Variants in OXTR observed in about 807,000 individuals in gnomAD.
The protein encoded by OXTR is oxytocin receptor.
A neutral mutation model predicts 23.9 loss-of-function variants in OXTR; 19 were observed. The ratio of observed to expected loss-of-function variants is 0.80; its 90% confidence interval spans 0.56 to 1.17. The LOEUF is 1.17. Ranked by LOEUF, OXTR falls within the 50% of genes most tolerant of loss-of-function variation. The pLI, the probability that OXTR is intolerant of heterozygous loss-of-function variation, is 0.00. For missense variants in OXTR, 500 were observed against 550.7 expected (o/e 0.91, Z 0.92); for synonymous variants, 278 against 250.5 (o/e 1.11, Z -1.04).
intron 3 of OXTR, among the ~76,000 whole-genome samples, chr3:8,754,533 C>T (rs748994392): frequency 2.0e-4 from 31 of 152,148 alleles, no homozygotes; most frequent in Non-Finnish European, 3.5e-4. Flanking sequence ...GAGCTAAATC[C>T]AGGGAAGGAC....
chr3:8,754,507 A>G (rs576665656), intron 3 of OXTR, among the ~76,000 whole-genome samples: 301 of 152,324 alleles, frequency 2.0e-3, no homozygotes, highest in African/African-American at 6.7e-3. Context: ...TTTTTGACAA[A>G]TAACTCTAGA....
chr3:8,763,031 A>G (rs901511975), intron 3 of OXTR, among the ~76,000 whole-genome samples: 2 of 152,196 alleles, frequency 1.3e-5, no homozygotes, highest in South Asian at 4.1e-4. Flanking sequence ...GGTAAAAGGC[A>G]TCCCCTGGAG....
At chr3:8,746,212 C>T (rs556362366), downstream of OXTR, 2 of 220,846 alleles carry the variant, frequency 9.1e-6, no homozygotes, top group South Asian at 2.1e-4. Context: ...TCCACGCGCA[C>T]TCAGGAAAGT....
Position 8,751,713 on chromosome 3 carries a change from T to C in OXTR, c.*1264A>G, listed in dbSNP as rs1708262979. The C allele has an allele frequency of 6.6e-6, 1 of 152,252 alleles. No individual in the cohort carries two copies. The highest frequency in any genetic ancestry group is 1.5e-5 in the Non-Finnish European group (1 of 68,042). The allele number at this position is 152,252 out of a possible 1,614,324, so 9.4% of individuals were successfully genotyped here. A position where few individuals can be genotyped will look rare whatever the true frequency, so the allele number is the denominator to read the frequency against. On this transcript the variant is annotated 3_prime_UTR_variant, in exon 4 of 4. Transcript: ENST00000316793. ...TAAGTATAAGTGTTCATATCTGTAC[T>C]CTTTATTCTGCTCCGTATGTCTATC...
In OXTR at chr3:8,767,606, G is replaced by A. The variant is rs1383487856; in HGVS notation, c.582C>T (p.Pro194=). 6.2e-7 allele frequency: 1 copy of A among 1,613,428 alleles called. No individual in the cohort carries two copies. Among genetic ancestry groups the A allele is most frequent in the African/African-American group, 1.3e-5 (1 of 75,034 alleles). ...ATGTGATGTAGGCCTTGGGTCCCCA[G>A]GGCTGGATGAAGACGGCCCAGCAGT... The part of the protein sequence containing the change: ...VFDCWAVFIQ[P]WGPKAYITWI... Residue 194 remains proline, a synonymous_variant, in exon 3 of 4, where the codon CCC becomes CCT. Coordinates refer to ENST00000316793, the MANE Select transcript of OXTR (RefSeq NM_000916.4).
chr3:8,767,860 G>C lies in OXTR; in HGVS notation c.328C>G (p.Leu110Val), dbSNP rs753682593. ...DITFRFYGPD[L>V]LCRLVKYLQV... ...AAGTACTTGACCAGGCGGCACAGCA[G>C]GTCGGGCCCGTAGAAGCGGAAGGTG... is the stretch of plus-strand genomic sequence containing the variant. The change falls in exon 3 of 4, where the codon CTG becomes GTG. Residue 110 changes from leucine (L) to valine (V), a missense_variant. By Grantham distance (32) the Leu-to-Val change is conservative. Transcript: ENST00000316793. The C allele has an allele frequency of 6.2e-7, 1 of 1,613,444 alleles. No individual in the cohort carries two copies. Among genetic ancestry groups the C allele is most frequent in the South Asian group, 1.1e-5 (1 of 90,978 alleles).
downstream of OXTR, chr3:8,745,735 G>A (rs778311858): frequency 1.2e-6 from 2 of 1,614,002 alleles, no homozygotes; most frequent in Admixed American, 1.7e-5. This position sits in a 1 kb window ranked among gnomAD's most constrained non-coding sequence, Gnocchi z 4.8. Flanking sequence ...CATGCATTAA[G>A]AGCTACCTGA....
At chr3:8,741,312 T>A in the OXTR span, among the ~76,000 whole-genome samples, 2 of 152,016 alleles carry the variant, frequency 1.3e-5, no homozygotes, top group Admixed American at 6.5e-5. Context: ...TCAATAAACA[T>A]AAAATTACTG....
At chr3:8,746,637 T>G (rs1348276727), downstream of OXTR, 1 of 152,108 alleles carries the variant, frequency 6.6e-6, no homozygotes, top group Non-Finnish European at 1.5e-5. Context: ...ACCGAGCCCC[T>G]GAAATGCCCA....
intron 3 of OXTR, among the ~76,000 whole-genome samples, chr3:8,764,823 C>T (rs960794191): frequency 1.3e-5 from 2 of 152,220 alleles, no homozygotes; most frequent in Non-Finnish European, 2.9e-5. Flanking sequence ...GCTGCAGCAG[C>T]ATCATGAATC....
the OXTR span, among the ~76,000 whole-genome samples, chr3:8,742,035 C>T: frequency 1.3e-5 from 2 of 152,184 alleles, no homozygotes; most frequent in Non-Finnish European, 2.9e-5. Flanking sequence ...CAGCCCACCA[C>T]CCTCCAAGAA....
intron 3 of OXTR, among the ~76,000 whole-genome samples, chr3:8,760,990 C>G (rs1708472575): frequency 6.6e-6 from 1 of 152,212 alleles, no homozygotes. Flanking sequence ...TGTCTGGAGA[C>G]AGTTTTGGTG....
At chr3:8,754,060 A>T (rs1708325038) in intron 3 of OXTR, among the ~76,000 whole-genome samples, 1 of 152,226 alleles carries the variant, frequency 6.6e-6, no homozygotes, top group African/African-American at 2.4e-5. Flanking sequence ...AACTGAAAGC[A>T]TCTCCATGAA....
In OXTR at chr3:8,768,654, A is replaced by C; in HGVS notation, c.-238-63T>G. On this transcript the variant is annotated intron_variant, in intron 1 of 3. Coordinates refer to ENST00000316793, the MANE Select transcript of OXTR (RefSeq NM_000916.4). This position sits in a 1 kb window ranked among gnomAD's most constrained non-coding sequence, Gnocchi z 5.4. Reference sequence around the variant, plus strand: ...TCCGGGAGTGGGAATCTAAAACCAAATCACCTCCCCGAGGGAATCTCCAAA... The same window carrying C: ...TCCGGGAGTGGGAATCTAAAACCAACTCACCTCCCCGAGGGAATCTCCAAA... 4 of 154,030 alleles carry C rather than the reference A, an allele frequency of 2.6e-5. No homozygotes were observed. Among genetic ancestry groups the C allele is most frequent in the Non-Finnish European group, 4.3e-5 (3 of 69,408 alleles). 9.5% of individuals were successfully genotyped at this position (154,030 alleles called of 1,614,324 possible). A position where few individuals can be genotyped will look rare whatever the true frequency, so the allele number is the denominator to read the frequency against.
chr3:8,755,177 GT>G (rs1165229011), intron 3 of OXTR, among the ~76,000 whole-genome samples: 1 of 151,714 alleles, frequency 6.6e-6, no homozygotes, highest in Non-Finnish European at 1.5e-5. Context: ...AAAAATCAAC[GT>G]GCAAAAGTCA....
chr3:8,765,363 G>A (rs144864435), intron 3 of OXTR, among the ~76,000 whole-genome samples: 1 of 152,332 alleles, frequency 6.6e-6, no homozygotes, highest in African/African-American at 2.4e-5. Context: ...CTCAAGACAT[G>A]AATGGGAGAG....
chr3:8,756,249 G>A (rs547533759), intron 3 of OXTR, among the ~76,000 whole-genome samples: 3 of 152,210 alleles, frequency 2.0e-5, no homozygotes. Context: ...TTCCATGTGA[G>A]GATGTGACAA....
At chr3:8,769,046 G>C (rs565622151) in intron 1 of OXTR, among the ~76,000 whole-genome samples, 185 bp downstream of exon 1, 1 of 152,280 alleles carries the variant, frequency 6.6e-6, no homozygotes, top group Non-Finnish European at 1.5e-5. Context: ...CCCCTGACTT[G>C]CGCTTTGGAC....
intron 3 of OXTR, among the ~76,000 whole-genome samples, chr3:8,761,589 G>C (rs142029881): frequency 2.8e-4 from 42 of 152,286 alleles, no homozygotes; most frequent in Admixed American, 1.4e-3. Context: ...TTACTCAGCA[G>C]TGATCGTGGG....
Sources: allele counts gnomAD v4.1 joint callset (sites outside exome capture counted in the v4.1 genomes callset), GRCh38; gene constraint gnomAD v4.1.1; non-coding constraint Gnocchi (gnomAD v3.1); transcripts MANE v1.5; gene names NCBI Gene and HGNC (gene_info 2026-07-23, HGNC 2026-07-21).